NCK2: variants seen among roughly 807,000 people sequenced by gnomAD.
NCK2 encodes the protein cytoplasmic protein NCK2.
NCK2 carries 16 observed loss-of-function variants against 33.9 expected under a neutral mutation model. That is an observed-to-expected ratio of 0.47 (90% CI 0.32 to 0.72). The LOEUF (loss-of-function observed/expected upper bound fraction) is 0.72. Among genes scored for constraint, NCK2 ranks in the 30% least tolerant of loss-of-function variants. The probability of loss-of-function intolerance (pLI) is 0.03; values close to 1 mark genes in which losing one functional copy is unlikely to be tolerated. For missense variants in NCK2, 418 were observed against 537.3 expected (o/e 0.78, Z 2.19); for synonymous variants, 273 against 239.9 (o/e 1.14, Z -1.27).
chr2:105,817,936 C>T (rs1675558780), intron 2 of NCK2, among the ~76,000 whole-genome samples: 1 of 151,958 alleles, frequency 6.6e-6, no homozygotes, highest in Admixed American at 6.6e-5. Context: ...TGGGTATATA[C>T]CCAAAGGAAT....
chr2:105,757,337 G>T (rs764223468), intron 1 of NCK2, among the ~76,000 whole-genome samples: 3 of 152,134 alleles, frequency 2.0e-5, no homozygotes, highest in Non-Finnish European at 4.4e-5. Flanking sequence ...AATTGAGATG[G>T]GACAGGTCCT....
At chr2:105,746,521 G>C (rs1185581290) in intron 1 of NCK2, among the ~76,000 whole-genome samples, 1 of 152,238 alleles carries the variant, frequency 6.6e-6, no homozygotes, top group Non-Finnish European at 1.5e-5. Flanking sequence ...GGAACTGTGC[G>C]TGTGAACACT....
At chr2:105,863,381 T>C (rs1446669235) in intron 3 of NCK2, among the ~76,000 whole-genome samples, 1 of 152,128 alleles carries the variant, frequency 6.6e-6, no homozygotes, top group Non-Finnish European at 1.5e-5. Context: ...CTCTATCCCT[T>C]GGAAATCCCG....
chr2:105,870,429 A>G (rs779699343), intron 3 of NCK2, among the ~76,000 whole-genome samples: 3 of 152,150 alleles, frequency 2.0e-5, no homozygotes, highest in Non-Finnish European at 4.4e-5. Context: ...GCACAGTAGA[A>G]TGTTTCATTA....
intron 4 of NCK2, among the ~76,000 whole-genome samples, chr2:105,892,363 C>T (rs1679023023): frequency 6.6e-6 from 1 of 152,184 alleles, no homozygotes; most frequent in Admixed American, 6.5e-5. Flanking sequence ...CAGGGCAACA[C>T]TGTATATTCC....
intron 1 of NCK2, among the ~76,000 whole-genome samples, chr2:105,765,522 G>A (rs574990981): frequency 5.3e-4 from 80 of 152,276 alleles, no homozygotes; most frequent in Non-Finnish European, 1.2e-4. Context: ...CTCAGCCATG[G>A]TATGACTTTT....
chr2:105,806,083 A>G (rs1050010600), intron 1 of NCK2, among the ~76,000 whole-genome samples: 1 of 151,748 alleles, frequency 6.6e-6, no homozygotes, highest in African/African-American at 2.4e-5. Flanking sequence ...TAGGTGTCGA[A>G]TTTTTTACTT....
At chr2:105,781,482 C>T (rs1184872196) in intron 1 of NCK2, among the ~76,000 whole-genome samples, 1 of 152,230 alleles carries the variant, frequency 6.6e-6, no homozygotes, top group African/African-American at 2.4e-5. Context: ...CCATGTACGT[C>T]TGTTTCGTAA....
At chr2:105,750,149 C>T (rs995273187) in intron 1 of NCK2, among the ~76,000 whole-genome samples, 6 of 151,766 alleles carry the variant, frequency 4.0e-5, no homozygotes, top group South Asian at 2.1e-4. Flanking sequence ...TCCATGACCC[C>T]GGGGCCGGCA....
chr2:105,837,895 TG>T (rs1047642739), intron 2 of NCK2, among the ~76,000 whole-genome samples: 14 of 152,264 alleles, frequency 9.2e-5, no homozygotes, highest in Non-Finnish European at 2.1e-4. Flanking sequence ...CTGTGTATTT[TG>T]CCTGCTGCCT....
intron 2 of NCK2, among the ~76,000 whole-genome samples, chr2:105,817,694 G>A (rs936637855): frequency 8.5e-5 from 13 of 152,226 alleles, no homozygotes; most frequent in Admixed American, 1.3e-4. Context: ...ATCATCACTG[G>A]CCATCAGAGA....
At chr2:105,834,671 T>A (rs1224369606) in intron 2 of NCK2, among the ~76,000 whole-genome samples, 1 of 152,060 alleles carries the variant, frequency 6.6e-6, no homozygotes, top group Non-Finnish European at 1.5e-5. Context: ...CAATTTTAAT[T>A]TTTTTATTTT....
chr2:105,825,900 C>T (rs747070744), intron 2 of NCK2, among the ~76,000 whole-genome samples: 5 of 152,106 alleles, frequency 3.3e-5, no homozygotes, highest in African/African-American at 1.2e-4. Flanking sequence ...CCTGGTGATC[C>T]GTCAGGTTTG....
chr2:105,848,621 G>A (rs1380341919), intron 2 of NCK2: 1 of 152,176 alleles, frequency 6.6e-6, no homozygotes, highest in African/African-American at 2.4e-5. Context: ...GCAAGAGAGA[G>A]GGGGCGAGAG....
chr2:105,876,514 C>CAGGG (rs948419828), intron 3 of NCK2, among the ~76,000 whole-genome samples: 3 of 152,212 alleles, frequency 2.0e-5, no homozygotes, highest in African/African-American at 7.2e-5. Flanking sequence ...GACTGGTGAG[C>CAGGG]AGGGGCCCTG....
chr2:105,763,046 G>T (rs1396130093), intron 1 of NCK2, among the ~76,000 whole-genome samples: 1 of 152,012 alleles, frequency 6.6e-6, no homozygotes, highest in African/African-American at 2.4e-5. Flanking sequence ...GAATACAAAA[G>T]AATTAGCCAG....
chr2:105,883,605 C>G (rs1678597921), intron 4 of NCK2, among the ~76,000 whole-genome samples: 1 of 152,046 alleles, frequency 6.6e-6, no homozygotes, highest in Admixed American at 6.6e-5. Context: ...TTAGGGAGGA[C>G]CTATGGCTTT....
At chr2:105,754,942 A>ATTCT (rs1236814906) in intron 1 of NCK2, among the ~76,000 whole-genome samples, 2 of 151,274 alleles carry the variant, frequency 1.3e-5, no homozygotes, top group Non-Finnish European at 2.9e-5. Flanking sequence ...AGCCATTTCC[A>ATTCT]TTCTTTCTTT....
At chr2:105,812,064 T>C (rs140892917) in intron 1 of NCK2, among the ~76,000 whole-genome samples, 33 of 152,330 alleles carry the variant, frequency 2.2e-4, no homozygotes, top group African/African-American at 7.5e-4. Flanking sequence ...AATCAGCTTC[T>C]AATTAACCTA....
Sources: allele counts gnomAD v4.1 joint callset (sites outside exome capture counted in the v4.1 genomes callset), GRCh38; gene constraint gnomAD v4.1.1; transcripts MANE v1.5; gene names NCBI Gene and HGNC (gene_info 2026-07-23, HGNC 2026-07-21).